SAMD4B: variants seen among roughly 807,000 people sequenced by gnomAD.
SAMD4B encodes protein Smaug homolog 2.
In SAMD4B, 5 loss-of-function variants were observed where a neutral mutation model predicts 74.5. The ratio of observed to expected loss-of-function variants is 0.07; its 90% CI spans 0.04 to 0.14. The LOEUF (loss-of-function observed/expected upper bound fraction) is 0.14, where lower values mean the gene tolerates loss of function less well. Among genes scored for constraint, SAMD4B ranks in the 10% least tolerant of loss-of-function variants. The probability of loss-of-function intolerance (pLI) is 1.00; values close to 1 mark genes in which losing one functional copy is unlikely to be tolerated. For missense variants in SAMD4B, 608 were observed against 921.8 expected (o/e 0.66, Z 4.41); for synonymous variants, 373 against 374.9 (o/e 1.00, Z 0.06).
rs1193549826 is a variant in SAMD4B, at chr19:39,377,611, A to C, written c.1231A>C (p.Lys411Gln). ...TGCCGCCACCACCACCCCTACTGCC[A>C]AGGATGGGGCCCCGGGGGAACCACC... ...VAAATTTPTA[K>Q]DGAPGEPPLP... Residue 411 changes from lysine to glutamine, a missense_variant, in exon 8 of 14, where the codon AAG (lysine) becomes CAG (glutamine). Lys to Gln is a moderately conservative substitution (Grantham distance 53, BLOSUM62 1). Transcript: ENST00000610417. 6 of 1,614,050 alleles carry C rather than the reference A, an allele frequency of 3.7e-6. No homozygotes were observed. The Admixed American group carries it at 5.0e-5, about 13-fold the overall frequency.
intron 3 of SAMD4B, among the ~76,000 whole-genome samples, chr19:39,366,909 C>T (rs977165585): frequency 5.3e-5 from 8 of 152,088 alleles, no homozygotes; most frequent in African/African-American, 1.9e-4. Context: ...TTCCTGGGCC[C>T]AGAGATTTGG....
intron 1 of SAMD4B, among the ~76,000 whole-genome samples, chr19:39,349,386 C>T (rs62119682): frequency 0.012 from 1,835 of 152,234 alleles, 11 homozygotes; most frequent in Non-Finnish European, 0.019. Flanking sequence ...AGGAAGAATG[C>T]TAGCTTCCTC....
downstream of SAMD4B, chr19:39,385,846 G>T: frequency 1.7e-6 from 2 of 1,203,086 alleles, no homozygotes; most frequent in African/African-American, 1.5e-5. Flanking sequence ...GGGCTGGGAG[G>T]GGAAGTAAAG....
In SAMD4B at chr19:39,356,795, C is replaced by T; in HGVS notation, c.-99C>T. 6 of 1,023,464 alleles carry T rather than the reference C, an allele frequency of 5.9e-6. No homozygotes were observed. The highest frequency in any genetic ancestry group is 8.4e-6 in the Non-Finnish European group (6 of 713,376). The allele number at this position is 1,023,464 out of a possible 1,614,324, so 63.4% of individuals were successfully genotyped here. ...GCCCAGAAACGTCCTTAAGCCCTGGCCCTCAGGGGAAAGGTAACAGGAGGC... is the reference window on the plus strand; with the variant it reads ...GCCCAGAAACGTCCTTAAGCCCTGGTCCTCAGGGGAAAGGTAACAGGAGGC... On this transcript the variant is annotated 5_prime_UTR_variant, in exon 3 of 14. Transcript: ENST00000610417.
At position 39,381,279 on chromosome 19, in the gene SAMD4B, C is replaced by T. The variant is rs1188480393; in HGVS notation, c.1972+166C>T. ...CCCCCAATTGTGGGGGGTTGTTTTC[C>T]TCCTCTGCTTCAATTTTATCTCTCA... On this transcript the variant is annotated intron_variant, in intron 12 of 13. Coordinates refer to ENST00000610417, the MANE Select transcript of SAMD4B (RefSeq NM_001384574.2). 9 of 765,756 alleles carry T rather than the reference C, an allele frequency of 1.2e-5. No homozygotes were observed. In the Admixed American group the frequency reaches 1.3e-4, roughly 11 times the overall value. The allele number at this position is 765,756 out of a possible 1,614,324, so 47.4% of individuals were successfully genotyped here. A position where few individuals can be genotyped will look rare whatever the true frequency, so the allele number is the denominator to read the frequency against.
At chr19:39,374,671 C>T (rs1427040985) in intron 4 of SAMD4B, among the ~76,000 whole-genome samples, 1 of 151,940 alleles carries the variant, frequency 6.6e-6, no homozygotes, top group African/African-American at 2.4e-5. Flanking sequence ...GAAACCCCGC[C>T]TCTACTAAAA....
At chr19:39,363,435 C>G (rs933259162) in intron 3 of SAMD4B, among the ~76,000 whole-genome samples, 3 of 152,152 alleles carry the variant, frequency 2.0e-5, no homozygotes, top group African/African-American at 7.2e-5. Context: ...ATTCCCCACC[C>G]CTGTCGGGAA....
At chr19:39,343,575 C>A (rs775602911) in intron 1 of SAMD4B, among the ~76,000 whole-genome samples, 1 of 151,256 alleles carries the variant, frequency 6.6e-6, no homozygotes, top group South Asian at 2.1e-4. Flanking sequence ...CTCCTGTCTC[C>A]CCCTGGTCTC....
At chr19:39,342,869 C>T (rs1162283862) in intron 1 of SAMD4B, among the ~76,000 whole-genome samples, 1 of 151,688 alleles carries the variant, frequency 6.6e-6, no homozygotes, top group Non-Finnish European at 1.5e-5. Context: ...TCAGGACCCC[C>T]CGCACATCCC....
Position 39,383,537 on chromosome 19 carries a change from C to A in SAMD4B, c.*10C>A. On this transcript the variant is annotated 3_prime_UTR_variant, in exon 14 of 14. Coordinates refer to ENST00000610417, the MANE Select transcript of SAMD4B (RefSeq NM_001384574.2). This position sits in a 1 kb window ranked among gnomAD's most constrained non-coding sequence, Gnocchi z 4.1. Reference sequence around the variant, plus strand: ...AACCTCCACCATCTGACGGGACCCACAGCCCAGCGCACCCATAGGCTCCCT... The same window carrying A: ...AACCTCCACCATCTGACGGGACCCAAAGCCCAGCGCACCCATAGGCTCCCT... 1 of 1,614,290 alleles carries A rather than the reference C, an allele frequency of 6.2e-7. No individual in the cohort carries two copies. Among genetic ancestry groups the A allele is most frequent in the Non-Finnish European group, 8.5e-7 (1 of 1,180,056 alleles).
intron 3 of SAMD4B, among the ~76,000 whole-genome samples, chr19:39,365,657 G>C (rs1281071687): frequency 1.3e-5 from 2 of 152,154 alleles, no homozygotes; most frequent in Admixed American, 6.5e-5. Flanking sequence ...TCCCAAATCT[G>C]TTTTCTCACC....
At position 39,352,442 on chromosome 19, in the gene SAMD4B, G is replaced by A. The variant is rs1486846633; in HGVS notation, c.-266-1564G>A. ...GATTCGTTTCCCACATTTGAAAATA[G>A]GGGGGGATTTTACTTTAAAATTCAG... On this transcript the variant is annotated intron_variant, in intron 1 of 13. Coordinates refer to ENST00000610417, the MANE Select transcript of SAMD4B (RefSeq NM_001384574.2). The A allele has an allele frequency of 2.0e-5, 3 of 151,038 alleles. No individual in the cohort carries two copies. The East Asian group carries it at 5.8e-4, about 29-fold the overall frequency. 9.4% of individuals were successfully genotyped at this position (151,038 alleles called of 1,614,324 possible).
downstream of SAMD4B, chr19:39,388,828 G>A: frequency 6.2e-7 from 1 of 1,614,158 alleles, no homozygotes; most frequent in Non-Finnish European, 8.5e-7. Context: ...GGCTGGGTCT[G>A]AGTCAAAGAT....
In SAMD4B at chr19:39,375,985, T is replaced by TC; in HGVS notation, c.907+97dup. On this transcript the variant is annotated intron_variant, in intron 5 of 13. Transcript: ENST00000610417. The surrounding 1 kb of genome is among the most constrained non-coding windows in gnomAD (Gnocchi z 4.1). ...CTTGTAGCTGACACCTGCTTACCCC[T>TC]CTGAGGAGGGGACATGTCTGAGGGG... 2.0e-6 allele frequency: 3 copies of TC among 1,494,604 alleles called. No individual in the cohort carries two copies. Among genetic ancestry groups the TC allele is most frequent in the South Asian group, 1.3e-5 (1 of 79,528 alleles). 92.6% of individuals were successfully genotyped at this position (1,494,604 alleles called of 1,614,324 possible). A position where few individuals can be genotyped will look rare whatever the true frequency, so the allele number is the denominator to read the frequency against.
chr19:39,366,181 T>C (rs971555255), intron 3 of SAMD4B, among the ~76,000 whole-genome samples: 10 of 152,126 alleles, frequency 6.6e-5, no homozygotes, highest in African/African-American at 2.4e-4. Context: ...CCGGGTGTCA[T>C]GGTATGTGGC....
rs1180148959 is a variant in SAMD4B at position 39,381,103 on chromosome 19, G to T, written c.1962G>T (p.Met654Ile). 2 of 1,609,744 alleles carry T rather than the reference G, an allele frequency of 1.2e-6. No individual in the cohort carries two copies. Among genetic ancestry groups the T allele is most frequent in the Middle Eastern group, 1.7e-4 (1 of 6,032 alleles). ...PVHSSPQAIL[M>I]FPPDCPVPGP... Reference sequence around the variant, plus strand: ...ACTCGTCACCCCAGGCCATTCTCATGTTCCCTCCAGGTGAGGTGCCCCACC... The same window carrying T: ...ACTCGTCACCCCAGGCCATTCTCATTTTCCCTCCAGGTGAGGTGCCCCACC... Residue 654 changes from methionine to isoleucine, a missense_variant, in exon 12 of 14, where the codon ATG (methionine) becomes ATT (isoleucine). Coordinates refer to ENST00000610417, the MANE Select transcript of SAMD4B (RefSeq NM_001384574.2).
downstream of SAMD4B, chr19:39,387,015 C>T (rs2078266785): frequency 3.3e-6 from 2 of 605,788 alleles, no homozygotes; most frequent in Non-Finnish European, 5.9e-6. Flanking sequence ...GTTTGGTTGC[C>T]CTACACTGTG....
At chr19:39,368,117 G>A (rs1206423915) in intron 3 of SAMD4B, among the ~76,000 whole-genome samples, 2 of 152,080 alleles carry the variant, frequency 1.3e-5, no homozygotes, top group East Asian at 2.0e-4. Flanking sequence ...GGGAGGCTGA[G>A]GCAGTAGAAT....
intron 4 of SAMD4B, 111 bp downstream of exon 4, chr19:39,370,236 C>A: frequency 9.3e-7 from 1 of 1,074,758 alleles, no homozygotes. Flanking sequence ...AAGCTGTAGG[C>A]CTCAACTTTA....
Sources: allele counts gnomAD v4.1 joint callset (sites outside exome capture counted in the v4.1 genomes callset), GRCh38; gene constraint gnomAD v4.1.1; non-coding constraint Gnocchi (gnomAD v3.1); transcripts MANE v1.5; gene names NCBI Gene and HGNC (gene_info 2026-07-23, HGNC 2026-07-21).